The following NEGR1 variants were observed in gnomAD, a reference collection of about 807,000 sequenced individuals.
The protein encoded by NEGR1 is neuronal growth regulator 1.
A neutral mutation model predicts 40.9 loss-of-function variants in NEGR1; 10 were observed. That is an observed-to-expected ratio of 0.24 (90% confidence interval 0.15 to 0.42). NEGR1 has a LOEUF of 0.42. NEGR1 is among the 10% of genes least tolerant of loss of function. NEGR1 has a pLI of 1.00. For missense variants in NEGR1, 352 were observed against 438.9 expected (o/e 0.80, Z 1.77); for synonymous variants, 185 against 166.8 (o/e 1.11, Z -0.84).
chr1:71,590,730 G>A (rs995098143), intron 6 of NEGR1, among the ~76,000 whole-genome samples: 2 of 152,106 alleles, frequency 1.3e-5, no homozygotes, highest in Non-Finnish European at 2.9e-5. Flanking sequence ...AATAGGGTCT[G>A]TTTCAGAGTA....
At chr1:71,539,218 T>C (rs1172126911) in intron 6 of NEGR1, among the ~76,000 whole-genome samples, 2 of 151,744 alleles carry the variant, frequency 1.3e-5, no homozygotes, top group Non-Finnish European at 2.9e-5. Context: ...TAAGCATCAC[T>C]CTATAAATGT....
intron 6 of NEGR1, among the ~76,000 whole-genome samples, chr1:71,560,334 T>C (rs938152460): frequency 2.0e-5 from 3 of 149,988 alleles, no homozygotes; most frequent in African/African-American, 2.4e-5. Flanking sequence ...AATATCTACA[T>C]TGAAATCCTT....
chr1:71,551,147 A>G (rs1056707702), intron 6 of NEGR1, among the ~76,000 whole-genome samples: 2 of 151,660 alleles, frequency 1.3e-5, no homozygotes, highest in African/African-American at 4.8e-5. Context: ...AAATGCAAGC[A>G]TGATTCTTTT....
intron 1 of NEGR1, among the ~76,000 whole-genome samples, chr1:72,049,683 G>C (rs1346068579): frequency 6.6e-6 from 1 of 151,554 alleles, no homozygotes; most frequent in Non-Finnish European, 1.5e-5. Flanking sequence ...GAAGCAAGCT[G>C]AACAGAAACA....
At chr1:71,977,684 T>C (rs1046663896) in intron 1 of NEGR1, among the ~76,000 whole-genome samples, 8 of 151,594 alleles carry the variant, frequency 5.3e-5, no homozygotes, top group Non-Finnish European at 1.2e-4. Flanking sequence ...TTTACTGTCT[T>C]GTCATTATGA....
At chr1:72,181,432 G>A (rs1368355551) in intron 1 of NEGR1, among the ~76,000 whole-genome samples, 1 of 152,080 alleles carries the variant, frequency 6.6e-6, no homozygotes, top group Non-Finnish European at 1.5e-5. Context: ...AGTGTGTGGA[G>A]AAGAGGGAAT....
At chr1:71,649,008 T>G (rs1487323849) in intron 4 of NEGR1, among the ~76,000 whole-genome samples, 2 of 152,110 alleles carry the variant, frequency 1.3e-5, no homozygotes, top group Non-Finnish European at 2.9e-5. Context: ...CAGTTGAAAT[T>G]GATTATTCTT....
intron 6 of NEGR1, among the ~76,000 whole-genome samples, chr1:71,512,702 C>T (rs1224760883): frequency 6.6e-6 from 1 of 151,984 alleles, no homozygotes; most frequent in Non-Finnish European, 1.5e-5. Flanking sequence ...CTGCCTCAAC[C>T]TCCCGAGTAG....
chr1:72,023,248 G>A (rs1281824365), intron 1 of NEGR1, among the ~76,000 whole-genome samples: 3 of 152,116 alleles, frequency 2.0e-5, no homozygotes, highest in Admixed American at 2.0e-4. Flanking sequence ...TTGTGGCAGT[G>A]GTGATTGTGG....
At chr1:71,819,268 G>C (rs1418549848) in intron 2 of NEGR1, among the ~76,000 whole-genome samples, 1 of 151,944 alleles carries the variant, frequency 6.6e-6, no homozygotes, top group Non-Finnish European at 1.5e-5. Flanking sequence ...TGGGAAAAGA[G>C]ATGTCCGACA....
At chr1:71,732,499 T>A (rs1570271507) in intron 3 of NEGR1, among the ~76,000 whole-genome samples, 1 of 150,588 alleles carries the variant, frequency 6.6e-6, no homozygotes, top group South Asian at 2.1e-4. Flanking sequence ...ATGCTGTGTG[T>A]GTGTGTGTGT....
In NEGR1 at chr1:72,189,889, G is replaced by A. The variant is rs1054981979; in HGVS notation, c.176+92430C>T. 4.0e-5 allele frequency among the ~76,000 whole-genome samples: 6 copies of A among 151,712 alleles called. No individual in the cohort carries two copies. The South Asian group carries it at 1.0e-3, about 26-fold the overall frequency. On this transcript the variant is annotated intron_variant, in intron 1 of 6. Transcript: ENST00000357731. ...AGAAGAAATTCAAATGTAGGGCTGT[G>A]TGACCTAATGACTGGACCTTGATCA...
chr1:71,911,895 C>A (rs17091894), intron 2 of NEGR1, among the ~76,000 whole-genome samples: 5 of 152,028 alleles, frequency 3.3e-5, no homozygotes, highest in Admixed American at 3.3e-4. Flanking sequence ...AAGAGTCTAC[C>A]ACCACACCCC....
intron 2 of NEGR1, among the ~76,000 whole-genome samples, chr1:71,849,738 A>AC (rs1290356210): frequency 6.6e-6 from 1 of 152,078 alleles, no homozygotes; most frequent in African/African-American, 2.4e-5. Context: ...TTCAGCAACC[A>AC]CCCCCCATCA....
intron 2 of NEGR1, among the ~76,000 whole-genome samples, chr1:71,876,183 A>G (rs1183133178): frequency 6.6e-6 from 1 of 152,076 alleles, no homozygotes; most frequent in East Asian, 1.9e-4. Flanking sequence ...ATTATAGAAT[A>G]TTTTTCTTCG....
At chr1:71,874,845 C>A (rs1355685811) in intron 2 of NEGR1, among the ~76,000 whole-genome samples, 1 of 151,832 alleles carries the variant, frequency 6.6e-6, no homozygotes. Context: ...TTTTCTTTTT[C>A]TTTTTCTTTT....
At chr1:71,749,992 T>TC (rs1283131844) in intron 3 of NEGR1, among the ~76,000 whole-genome samples, 1 of 148,688 alleles carries the variant, frequency 6.7e-6, no homozygotes, top group Non-Finnish European at 1.5e-5. Context: ...TCCTTTCTTT[T>TC]TTTTTTTTTT....
chr1:71,992,384 C>T (rs1646461625), intron 1 of NEGR1, among the ~76,000 whole-genome samples: 1 of 151,762 alleles, frequency 6.6e-6, no homozygotes, highest in African/African-American at 2.4e-5. Flanking sequence ...GTATGGTATT[C>T]TTATAATGTT....
intron 6 of NEGR1, among the ~76,000 whole-genome samples, chr1:71,441,205 C>T (rs955383477): frequency 4.6e-5 from 7 of 152,182 alleles, no homozygotes; most frequent in African/African-American, 1.4e-4. Context: ...GGTCAACAAT[C>T]GCTCCAAAGT....
Sources: allele counts gnomAD v4.1 joint callset (sites outside exome capture counted in the v4.1 genomes callset), GRCh38; gene constraint gnomAD v4.1.1; transcripts MANE v1.5; gene names NCBI Gene and HGNC (gene_info 2026-07-23, HGNC 2026-07-21).